Variants in ITGB1 observed in about 807,000 individuals in gnomAD.
ITGB1 encodes the protein integrin beta-1.
ITGB1 carries 24 observed loss-of-function variants against 86.5 expected under a neutral mutation model. That is an observed-to-expected ratio of 0.28 (90% confidence interval 0.20 to 0.39). The LOEUF (loss-of-function observed/expected upper bound fraction) is 0.39. Among genes scored for constraint, ITGB1 ranks in the 10% least tolerant of loss-of-function variants. ITGB1 has a pLI of 1.00. For synonymous variants in ITGB1, 323 were observed against 316.8 expected, an observed-to-expected ratio of 1.02 and a Z score of -0.21; for missense variants, 556 against 946.9, an observed-to-expected ratio of 0.59 and a Z score of 5.42.
At chr10:32,926,157 G>T in intron 5 of ITGB1, 48 bp from the exon 6 acceptor site, 2 of 1,282,346 alleles carry the variant, frequency 1.6e-6, no homozygotes, top group Non-Finnish European at 2.3e-6. Context: ...ATGGATAGAT[G>T]GAAAGACAGA....
At position 32,943,745 on chromosome 10, in the gene ITGB1, T is replaced by C. The variant is rs1346050517; in HGVS notation, c.1-8187A>G. Among the ~76,000 whole-genome samples, 3 of 152,124 alleles carry C rather than the reference T, an allele frequency of 2.0e-5. No individual in the cohort carries two copies. The South Asian group carries it at 6.2e-4, about 32-fold the overall frequency. ...CCAAAGCAGAGCCTGGGAACAGAAC[T>C]GGTGTGCAGGCAGTTTATTGGAAGG... is the stretch of plus-strand genomic sequence containing the variant. On this transcript the variant is annotated intron_variant, in intron 1 of 15. Coordinates refer to ENST00000302278, the MANE Select transcript of ITGB1 (RefSeq NM_002211.4).
chr10:32,957,875 G>A (rs1437040589), intron 1 of ITGB1: 6 of 152,098 alleles, frequency 3.9e-5, no homozygotes, highest in Non-Finnish European at 5.9e-5. Flanking sequence ...CTCACGTTCG[G>A]AACGCGGCTG....
At chr10:32,931,872 C>G (rs1336964750) in intron 3 of ITGB1, among the ~76,000 whole-genome samples, 1 of 152,098 alleles carries the variant, frequency 6.6e-6, no homozygotes, top group African/African-American at 2.4e-5. Flanking sequence ...TTCATTCATT[C>G]ATTGACTCAC....
intron 1 of ITGB1, among the ~76,000 whole-genome samples, chr10:32,941,369 C>A (rs1040951263): frequency 5.9e-5 from 9 of 151,936 alleles, no homozygotes; most frequent in African/African-American, 2.2e-4. Context: ...ATTATTTTAT[C>A]CTTATAATTT....
intron 6 of ITGB1, among the ~76,000 whole-genome samples, chr10:32,925,147 G>A (rs967615704): frequency 2.0e-5 from 3 of 152,128 alleles, no homozygotes; most frequent in Non-Finnish European, 2.9e-5. Context: ...ACAAGAGTAG[G>A]TACGCAGGAC....
At chr10:32,905,669 T>C (rs1377150723) in intron 15 of ITGB1, among the ~76,000 whole-genome samples, 2 of 152,248 alleles carry the variant, frequency 1.3e-5, no homozygotes, top group Non-Finnish European at 2.9e-5. Flanking sequence ...ACATAACCCT[T>C]ATGTGTCTCA....
At chr10:32,943,872 G>A (rs1161449394) in intron 1 of ITGB1, among the ~76,000 whole-genome samples, 2 of 152,184 alleles carry the variant, frequency 1.3e-5, no homozygotes, top group Admixed American at 6.5e-5. Flanking sequence ...GTACCTGGGG[G>A]CTTGATCTTG....
chr10:32,945,969 C>T (rs1424306341), intron 1 of ITGB1, among the ~76,000 whole-genome samples: 1 of 151,998 alleles, frequency 6.6e-6, no homozygotes, highest in African/African-American at 2.4e-5. Flanking sequence ...TTTGAAAATA[C>T]ATATGTATTG....
At chr10:32,928,863 G>A (rs940891985) in intron 4 of ITGB1, among the ~76,000 whole-genome samples, 17 of 151,874 alleles carry the variant, frequency 1.1e-4, no homozygotes, top group Non-Finnish European at 2.9e-5. Context: ...TACAAGAGAC[G>A]TTAATGTAAT....
At chr10:32,947,444 T>TGTGTGG (rs959744737) in intron 1 of ITGB1, among the ~76,000 whole-genome samples, 6 of 151,024 alleles carry the variant, frequency 4.0e-5, no homozygotes, top group Admixed American at 2.0e-4. Flanking sequence ...TGTGTGTGTG[T>TGTGTGG]GTGTGTGTGT....
Position 32,908,422 on chromosome 10 carries a change from G to C in ITGB1, c.2277C>G (p.Asp759Glu). ...LIWKLLMIIH[D>E]RREFAKFEKE... is the part of the protein sequence containing the mutation. Reference sequence around the variant, plus strand: ...TTTCAAATTTAGCAAACTCCCTTCTGTCATGAATTATCATTAAAAGCTTCC... The same window carrying C: ...TTTCAAATTTAGCAAACTCCCTTCTCTCATGAATTATCATTAAAAGCTTCC... The change falls in exon 15 of 16, where the codon GAC becomes GAG. Residue 759 changes from aspartate (D) to glutamate (E), a missense_variant. Transcript: ENST00000302278. 1 of 1,613,294 alleles carries C rather than the reference G, an allele frequency of 6.2e-7. No individual in the cohort carries two copies. Among genetic ancestry groups the C allele is most frequent in the Non-Finnish European group, 8.5e-7 (1 of 1,179,304 alleles).
intron 1 of ITGB1, among the ~76,000 whole-genome samples, chr10:32,936,514 C>T (rs1206963264): frequency 6.6e-6 from 1 of 151,758 alleles, no homozygotes; most frequent in South Asian, 2.1e-4. Flanking sequence ...AGTGTCCAGA[C>T]CCCCCACCTC....
chr10:32,933,181 T>A (rs1173211418), intron 2 of ITGB1, among the ~76,000 whole-genome samples: 2 of 152,078 alleles, frequency 1.3e-5, no homozygotes, highest in East Asian at 3.8e-4. Context: ...TGATTTTGGA[T>A]CACCTTGACA....
intron 1 of ITGB1, among the ~76,000 whole-genome samples, chr10:32,947,553 C>A (rs2095034279): frequency 6.6e-6 from 1 of 151,458 alleles, no homozygotes; most frequent in Admixed American, 6.6e-5. Flanking sequence ...AGCTCTTATA[C>A]ATCTACTAAT....
At chr10:32,932,814 CATGAG>C (rs2094988233) in intron 2 of ITGB1, 8 of 405,596 alleles carry the variant, frequency 2.0e-5, no homozygotes, top group Non-Finnish European at 2.7e-5. Flanking sequence ...GTATGGGGTA[CATGAG>C]ATATTTTGAT....
intron 6 of ITGB1, among the ~76,000 whole-genome samples, chr10:32,924,858 T>G (rs745470647): frequency 6.6e-6 from 1 of 152,206 alleles, no homozygotes; most frequent in Non-Finnish European, 1.5e-5. Flanking sequence ...TGGTACTTTA[T>G]AGAGATTGAT....
chr10:32,918,504 C>A (rs758537508), intron 11 of ITGB1, among the ~76,000 whole-genome samples: 3 of 152,072 alleles, frequency 2.0e-5, no homozygotes, highest in African/African-American at 7.2e-5. Flanking sequence ...AAAGTGTACA[C>A]ACATGTGCAA....
chr10:32,921,735 T>C (rs1225772373), intron 9 of ITGB1, among the ~76,000 whole-genome samples: 3 of 152,192 alleles, frequency 2.0e-5, no homozygotes, highest in East Asian at 1.9e-4. Context: ...TAAATCTTTT[T>C]GAAATAGGCA....
At chr10:32,925,162 T>G (rs928361570) in intron 6 of ITGB1, among the ~76,000 whole-genome samples, 2 of 152,168 alleles carry the variant, frequency 1.3e-5, no homozygotes, top group African/African-American at 2.4e-5. Flanking sequence ...CAGGACAAAC[T>G]TGACATGACA....
Sources: allele counts gnomAD v4.1 joint callset (sites outside exome capture counted in the v4.1 genomes callset), GRCh38; gene constraint gnomAD v4.1.1; transcripts MANE v1.5; gene names NCBI Gene and HGNC (gene_info 2026-07-23, HGNC 2026-07-21).